DCDC1: variants seen among roughly 807,000 people sequenced by gnomAD.
DCDC1 encodes the protein doublecortin domain-containing protein 1.
DCDC1 carries 200 observed loss-of-function variants against 178.3 expected under a neutral mutation model. That is an observed-to-expected ratio of 1.12 (90% CI 1.00 to 1.26). The LOEUF is 1.26. Ranked by LOEUF, DCDC1 falls within the 50% of genes most tolerant of loss-of-function variation. The pLI, the probability that DCDC1 is intolerant of heterozygous loss-of-function variation, is 0.00. For missense variants in DCDC1, 1,983 were observed against 1,749.2 expected (o/e 1.13, Z -2.38); for synonymous variants, 690 against 604.8 (o/e 1.14, Z -2.07).
rs1263848443 is a variant in DCDC1 at position 30,864,574 on chromosome 11, TAGA to T, written c.*796_*798del. 1 of 152,218 alleles carries T rather than the reference TAGA, an allele frequency of 6.6e-6. No homozygotes were observed. The highest frequency in any genetic ancestry group is 2.1e-4 in the South Asian group (1 of 4,834). 9.4% of individuals were successfully genotyped at this position (152,218 alleles called of 1,614,324 possible). A position where few individuals can be genotyped will look rare whatever the true frequency, so the allele number is the denominator to read the frequency against. On this transcript the variant is annotated 3_prime_UTR_variant, in exon 39 of 39. Transcript: ENST00000684477. Reference sequence around the variant, plus strand: ...TTTGGTTTGCGGCTCAGGCCAAGAGTAGAAGAACTGAACCTCATGTCCCCATCA... The same window carrying T: ...TTTGGTTTGCGGCTCAGGCCAAGAGTAGAACTGAACCTCATGTCCCCATCA...
intron 20 of DCDC1, among the ~76,000 whole-genome samples, chr11:31,034,122 C>T (rs1167678813): frequency 9.8e-5 from 13 of 133,222 alleles, no homozygotes; most frequent in East Asian, 8.7e-4. Context: ...CCAGTCTGGG[C>T]GACAGAGTGA....
At chr11:31,070,493 A>T (rs1956489129) in intron 18 of DCDC1, among the ~76,000 whole-genome samples, 1 of 152,132 alleles carries the variant, frequency 6.6e-6, no homozygotes, top group Non-Finnish European at 1.5e-5. Context: ...CCCATCTCTA[A>T]TCACATAATT....
rs1344329570 is a variant in DCDC1 at position 30,949,274 on chromosome 11, T to G, written c.2715+3171A>C. Among the ~76,000 whole-genome samples, 6 of 152,198 alleles carry G rather than the reference T, an allele frequency of 3.9e-5. 1 individual carries two copies. Among genetic ancestry groups the G allele is most frequent in the Non-Finnish European group, 1.5e-5 (1 of 68,036 alleles). ...AAATAAAGCTCATCATCACTGGTCA[T>G]TAGAGAAATGCAAATCAAAATCACA... On this transcript the variant is annotated intron_variant, in intron 21 of 38. Transcript: ENST00000684477.
At chr11:30,877,481 T>C (rs1039125202) in intron 38 of DCDC1, among the ~76,000 whole-genome samples, 2 of 152,226 alleles carry the variant, frequency 1.3e-5, no homozygotes, top group Admixed American at 6.5e-5. Flanking sequence ...GTAGGATTAA[T>C]ACCTAAGATT....
rs188859583 is a variant in DCDC1 at position 31,149,877 on chromosome 11, G to A, written c.1222-12093C>T. 7.0e-4 allele frequency among the ~76,000 whole-genome samples: 107 copies of A among 152,270 alleles called. 1 individual carries two copies. The highest frequency in any genetic ancestry group is 2.2e-3 in the African/African-American group (92 of 41,544). On this transcript the variant is annotated intron_variant, in intron 9 of 38. Transcript: ENST00000684477. ...ATCTTTAAGAGCTGTAACACTTGCCGCAAGGGTCCTCAGCTTCATTCTTGA... is the reference window on the plus strand; with the variant it reads ...ATCTTTAAGAGCTGTAACACTTGCCACAAGGGTCCTCAGCTTCATTCTTGA...
chr11:30,920,875 G>C lies in DCDC1; in HGVS notation c.3194C>G (p.Pro1065Arg). The change falls in exon 25 of 39, where the codon CCT becomes CGT. Residue 1065 changes from proline to arginine, a missense_variant. Coordinates refer to ENST00000684477, the MANE Select transcript of DCDC1 (RefSeq NM_001387274.1). ...VSGSKLAVHK[P>R]VAIFGEEKQV... ...CTTCTCTTCTCCAAAAATTGCTACA[G>C]GTTTATGCACAGCAAGCTTGCTTCC... The C allele has an allele frequency of 6.2e-7, 1 of 1,613,322 alleles. No homozygotes were observed. The highest frequency in any genetic ancestry group is 8.5e-7 in the Non-Finnish European group (1 of 1,179,602).
intron 20 of DCDC1, among the ~76,000 whole-genome samples, chr11:30,999,184 T>C (rs1951433873): frequency 6.6e-6 from 1 of 152,202 alleles, no homozygotes; most frequent in South Asian, 2.1e-4. Flanking sequence ...TGTGGTATCC[T>C]GGATTAAACC....
chr11:30,916,305 C>A (rs1235878470), intron 26 of DCDC1, among the ~76,000 whole-genome samples: 1 of 152,186 alleles, frequency 6.6e-6, no homozygotes, highest in Non-Finnish European at 1.5e-5. Context: ...CTATAAACAT[C>A]TATTAAGCCC....
intron 8 of DCDC1, among the ~76,000 whole-genome samples, chr11:31,253,997 G>T (rs962947217): frequency 6.6e-6 from 1 of 152,120 alleles, no homozygotes; most frequent in Non-Finnish European, 1.5e-5. Flanking sequence ...TGCAAGTGTA[G>T]CTGCAGTCAA....
chr11:31,245,247 C>T (rs1211922309), intron 8 of DCDC1, among the ~76,000 whole-genome samples: 1 of 151,110 alleles, frequency 6.6e-6, no homozygotes, highest in African/African-American at 2.4e-5. Flanking sequence ...TTGTCCCCTC[C>T]CACTTTCATC....
chr11:31,221,924 T>A (rs552200297), intron 9 of DCDC1, among the ~76,000 whole-genome samples: 2 of 152,310 alleles, frequency 1.3e-5, no homozygotes, highest in East Asian at 3.9e-4. Context: ...CCCAACACTT[T>A]GCTAAGCAAT....
intron 20 of DCDC1, among the ~76,000 whole-genome samples, chr11:30,960,834 A>G (rs1055630644): frequency 6.6e-6 from 1 of 152,156 alleles, no homozygotes; most frequent in East Asian, 1.9e-4. Flanking sequence ...AATTTTATTT[A>G]TTTAATATAA....
intron 20 of DCDC1, among the ~76,000 whole-genome samples, chr11:30,962,545 G>A (rs1565128236): frequency 6.6e-6 from 1 of 151,764 alleles, no homozygotes; most frequent in Non-Finnish European, 1.5e-5. Flanking sequence ...CCTCTCAACT[G>A]ATTTTCTTTA....
At chr11:31,054,633 T>C (rs184691101) in intron 20 of DCDC1, among the ~76,000 whole-genome samples, 110 of 152,164 alleles carry the variant, frequency 7.2e-4, no homozygotes, top group Non-Finnish European at 1.5e-3. Flanking sequence ...GGTGTAAAAA[T>C]AGGCACATAG....
At chr11:31,185,516 T>C (rs905196142) in intron 9 of DCDC1, among the ~76,000 whole-genome samples, 2 of 152,222 alleles carry the variant, frequency 1.3e-5, no homozygotes, top group Admixed American at 6.5e-5. Context: ...TCCCATTTTT[T>C]CAATTCTCTG....
intron 8 of DCDC1, among the ~76,000 whole-genome samples, chr11:31,255,140 A>G (rs570586506): frequency 3.9e-5 from 6 of 152,214 alleles, no homozygotes; most frequent in Non-Finnish European, 8.8e-5. Context: ...TCATAGCTGA[A>G]TAACATTCCA....
At chr11:30,896,862 AC>A (rs1432554136) in intron 34 of DCDC1, among the ~76,000 whole-genome samples, 1 of 152,230 alleles carries the variant, frequency 6.6e-6, no homozygotes, top group Non-Finnish European at 1.5e-5. Context: ...GTTCATGCTT[AC>A]CAGTGAAATG....
chr11:31,280,746 T>A (rs542076394), intron 7 of DCDC1: 27 of 595,148 alleles, frequency 4.5e-5, no homozygotes, highest in South Asian at 3.9e-4. Flanking sequence ...GCAAAGATCA[T>A]TTTTATTCTA....
At chr11:31,115,995 A>T (rs1296984235) in intron 11 of DCDC1, among the ~76,000 whole-genome samples, 48 of 34,812 alleles carry the variant, frequency 1.4e-3, no homozygotes, top group East Asian at 1.9e-3. Flanking sequence ...GGGGGGGGGG[A>T]TGGGTATCTC....
Sources: gnomAD v4.1 joint callset for allele counts (sites outside exome capture counted in the v4.1 genomes callset) on GRCh38, gnomAD v4.1.1 for gene constraint, MANE v1.5 for transcripts, NCBI Gene and HGNC (gene_info 2026-07-23, HGNC 2026-07-21) for gene names.